Variants in SGK1 observed in about 807,000 individuals in gnomAD.
SGK1 encodes serum/glucocorticoid regulated kinase 1.
Under a neutral mutation model 64.2 loss-of-function variants are expected in SGK1, and 26 were observed. The ratio of observed to expected loss-of-function variants is 0.40; its 90% CI spans 0.30 to 0.56. SGK1 has a LOEUF of 0.56. SGK1 is among the 20% of genes least tolerant of loss of function. SGK1 has a pLI of 0.38. For missense variants in SGK1, 519 were observed against 645.6 expected (o/e 0.80, Z 2.12); for synonymous variants, 265 against 239.7 (o/e 1.11, Z -0.98).
intron 2 of SGK1, among the ~76,000 whole-genome samples, chr6:134,241,212 G>A (rs1776442728): frequency 6.6e-6 from 1 of 151,564 alleles, no homozygotes; most frequent in Non-Finnish European, 1.5e-5. Context: ...ACCACATCCG[G>A]CTATTTTTTA....
At chr6:134,275,741 C>G (rs773618988) in intron 1 of SGK1, among the ~76,000 whole-genome samples, 2 of 152,108 alleles carry the variant, frequency 1.3e-5, no homozygotes, top group Non-Finnish European at 2.9e-5. Context: ...CTATTGTGCC[C>G]GGAATGCATC....
intron 3 of SGK1, among the ~76,000 whole-genome samples, chr6:134,189,709 G>A (rs369876237): frequency 3.9e-5 from 6 of 152,130 alleles, no homozygotes; most frequent in South Asian, 2.1e-4. Flanking sequence ...TCTTCAAATC[G>A]TGTTGTTTAT....
At position 134,169,957 on chromosome 6, in the gene SGK1, G is replaced by GT. The variant is rs2114625032; in HGVS notation, c.*310_*311insA. ...CATCACAGCCCAGACAGATCTGCAG[G>GT]AGACCTTTTTTAGAACAGCGTCCGC... On this transcript the variant is annotated 3_prime_UTR_variant, in exon 14 of 14. Transcript: ENST00000367858. 1 of 197,850 alleles carries GT rather than the reference G, an allele frequency of 5.1e-6. No individual in the cohort carries two copies. The highest frequency in any genetic ancestry group is 1.5e-4 in the South Asian group (1 of 6,542). 12.3% of individuals were successfully genotyped at this position (197,850 alleles called of 1,614,324 possible).
At chr6:134,291,413 C>T (rs1359245438) in intron 1 of SGK1, among the ~76,000 whole-genome samples, 1 of 152,152 alleles carries the variant, frequency 6.6e-6, no homozygotes, top group African/African-American at 2.4e-5. Context: ...GTTATCTGAC[C>T]TTACGAGAAA....
chr6:134,177,348 G>T (rs761795566), intron 3 of SGK1, among the ~76,000 whole-genome samples: 1 of 152,218 alleles, frequency 6.6e-6, no homozygotes, highest in African/African-American at 2.4e-5. Context: ...GCTTCCTCTT[G>T]CAGGGAATCT....
chr6:134,283,811 C>T (rs1777132694), intron 1 of SGK1, among the ~76,000 whole-genome samples: 1 of 136,722 alleles, frequency 7.3e-6, no homozygotes, highest in African/African-American at 2.8e-5. Flanking sequence ...TGCAATGAGC[C>T]ATGATCGCAG....
intron 3 of SGK1, among the ~76,000 whole-genome samples, chr6:134,181,685 G>T (rs753390120): frequency 6.6e-6 from 1 of 151,974 alleles, no homozygotes; most frequent in Non-Finnish European, 1.5e-5. Flanking sequence ...AATCTAGAAG[G>T]AGGCAACAGA....
At chr6:134,249,612 G>T (rs926423592) in intron 2 of SGK1, 4 of 152,208 alleles carry the variant, frequency 2.6e-5, no homozygotes, top group Non-Finnish European at 4.4e-5. Flanking sequence ...TAACTGCGTG[G>T]TTGCTTGGAT....
chr6:134,303,260 C>T (rs1001073648), intron 1 of SGK1, among the ~76,000 whole-genome samples: 1 of 151,830 alleles, frequency 6.6e-6, no homozygotes, highest in Non-Finnish European at 1.5e-5. Flanking sequence ...GGCGTGGTGG[C>T]AGGCGCCTGT....
chr6:134,171,588 A>G (rs546058893), intron 11 of SGK1, 49 bp downstream of exon 11: 1 of 1,333,482 alleles, frequency 7.5e-7, no homozygotes, highest in Admixed American at 1.7e-5. Flanking sequence ...TGTGAAGGCA[A>G]TATTGTAGGG....
intron 2 of SGK1, among the ~76,000 whole-genome samples, chr6:134,215,767 A>G (rs1775969698): frequency 6.6e-6 from 1 of 152,148 alleles, no homozygotes; most frequent in African/African-American, 2.4e-5. Flanking sequence ...CTGTAATCCC[A>G]GCACTTTGGG....
chr6:134,256,705 A>G (rs1336582973), intron 2 of SGK1, among the ~76,000 whole-genome samples: 1 of 151,978 alleles, frequency 6.6e-6, no homozygotes, highest in Non-Finnish European at 1.5e-5. Flanking sequence ...ATTATTTAGT[A>G]ACAGCTTACA....
chr6:134,240,067 G>A (rs1439191323), intron 2 of SGK1, among the ~76,000 whole-genome samples: 3 of 152,102 alleles, frequency 2.0e-5, no homozygotes, highest in South Asian at 2.1e-4. Context: ...CATGATGTGC[G>A]GATCACTTGA....
At chr6:134,234,271 C>T (rs993861570) in intron 2 of SGK1, among the ~76,000 whole-genome samples, 2 of 152,010 alleles carry the variant, frequency 1.3e-5, no homozygotes, top group African/African-American at 2.4e-5. Context: ...GGTGTGGTGG[C>T]ATGTGCCTGT....
intron 2 of SGK1, among the ~76,000 whole-genome samples, chr6:134,242,485 CAA>C (rs879620441): frequency 1.5e-5 from 2 of 129,714 alleles, no homozygotes; most frequent in Admixed American, 8.0e-5. Context: ...GACTCCGTCT[CAA>C]AAAAAAAAAA....
chr6:134,181,674 C>A (rs913475446), intron 3 of SGK1, among the ~76,000 whole-genome samples: 2 of 151,746 alleles, frequency 1.3e-5, no homozygotes, highest in African/African-American at 4.8e-5. Flanking sequence ...AGCCTATAAT[C>A]AATCTAGAAG....
At chr6:134,275,111 C>CT (rs960318143) in intron 1 of SGK1, among the ~76,000 whole-genome samples, 4 of 152,192 alleles carry the variant, frequency 2.6e-5, no homozygotes, top group Admixed American at 6.5e-5. Flanking sequence ...GCCTGGCCAT[C>CT]TTTTTTTAAA....
chr6:134,196,673 A>G (rs954292532), intron 3 of SGK1, among the ~76,000 whole-genome samples: 5 of 152,076 alleles, frequency 3.3e-5, no homozygotes, highest in African/African-American at 1.2e-4. Flanking sequence ...TGACTAAAAG[A>G]GATGTGGTTC....
intron 2 of SGK1, among the ~76,000 whole-genome samples, chr6:134,238,902 C>T (rs149040200): frequency 3.5e-4 from 54 of 152,286 alleles, no homozygotes; most frequent in Middle Eastern, 3.4e-3. Context: ...GGCCACCAAT[C>T]TATTTTTCAG....
Sources: allele counts gnomAD v4.1 joint callset (sites outside exome capture counted in the v4.1 genomes callset), GRCh38; gene constraint gnomAD v4.1.1; transcripts MANE v1.5; gene names NCBI Gene and HGNC (gene_info 2026-07-23, HGNC 2026-07-21).